Variants in SPIRE1 observed in about 807,000 individuals in gnomAD.
The protein encoded by SPIRE1 is spire type actin nucleation factor 1.
A neutral mutation model predicts 94.1 loss-of-function variants in SPIRE1; 40 were observed. That is an observed-to-expected ratio of 0.43 (90% CI 0.33 to 0.55). The LOEUF is 0.55. SPIRE1 is among the 20% of genes least tolerant of loss of function. The pLI, the probability that SPIRE1 is intolerant of heterozygous loss-of-function variation, is 0.06. For synonymous variants in SPIRE1, 376 were observed against 371.7 expected (o/e 1.01, Z -0.13); for missense variants, 838 against 975.2 (o/e 0.86, Z 1.87).
chr18:12,481,190 C>T (rs478139), intron 9 of SPIRE1, among the ~76,000 whole-genome samples: 16,806 of 151,870 alleles, frequency 0.11, 1,889 homozygotes, highest in African/African-American at 0.29. Context: ...ATTAGCCAGG[C>T]GTGGTGGTGG....
At chr18:12,495,461 T>G (rs1420666872) in intron 7 of SPIRE1, among the ~76,000 whole-genome samples, 1 of 152,244 alleles carries the variant, frequency 6.6e-6, no homozygotes, top group Non-Finnish European at 1.5e-5. Context: ...AACAGGACTA[T>G]CCAGTAATAT....
intron 1 of SPIRE1, among the ~76,000 whole-genome samples, chr18:12,650,568 G>T (rs1336444698): frequency 1.3e-5 from 2 of 152,002 alleles, no homozygotes; most frequent in East Asian, 3.9e-4. Flanking sequence ...AAATTAGCTG[G>T]GCGTGATGGC....
chr18:12,452,680 C>T (rs1326982080), intron 14 of SPIRE1, 168 bp from the exon 15 acceptor site: 1 of 709,388 alleles, frequency 1.4e-6, no homozygotes, highest in African/African-American at 1.8e-5. Context: ...AAAAGATAAT[C>T]TACAGAACTT....
chr18:12,483,889 AAGC>A (rs991853334), intron 9 of SPIRE1, among the ~76,000 whole-genome samples: 1 of 152,240 alleles, frequency 6.6e-6, no homozygotes, highest in Non-Finnish European at 1.5e-5. Context: ...AAAAACATAA[AAGC>A]AGCACAAGAA....
At chr18:12,634,109 G>A (rs901844289) in intron 2 of SPIRE1, among the ~76,000 whole-genome samples, 11 of 151,892 alleles carry the variant, frequency 7.2e-5, no homozygotes, top group Admixed American at 3.9e-4. Context: ...TTAGCTGGGC[G>A]CGGTGGCGGG....
chr18:12,504,583 C>T (rs184719050), intron 6 of SPIRE1, among the ~76,000 whole-genome samples: 1 of 152,136 alleles, frequency 6.6e-6, no homozygotes, highest in African/African-American at 2.4e-5. Context: ...TAAATTTCCT[C>T]AAAAATGTGG....
At chr18:12,537,456 C>T (rs1444507284) in intron 3 of SPIRE1, among the ~76,000 whole-genome samples, 1 of 152,108 alleles carries the variant, frequency 6.6e-6, no homozygotes, top group Non-Finnish European at 1.5e-5. Flanking sequence ...TGCATATGTG[C>T]CTATTATACA....
intron 8 of SPIRE1, among the ~76,000 whole-genome samples, chr18:12,490,131 C>T (rs2033181471): frequency 6.6e-6 from 1 of 152,180 alleles, no homozygotes; most frequent in Non-Finnish European, 1.5e-5. Context: ...AGAAGTAACA[C>T]TCTCACAGAA....
chr18:12,545,582 G>A (rs722708), intron 3 of SPIRE1, among the ~76,000 whole-genome samples: 81,584 of 152,092 alleles, frequency 0.54, 23,116 homozygotes, highest in Middle Eastern at 0.73. Flanking sequence ...TAATTTGACA[G>A]ATCTGTTTGA....
intron 4 of SPIRE1, among the ~76,000 whole-genome samples, chr18:12,532,372 ATAAT>A (rs1235785143): frequency 2.0e-5 from 3 of 152,362 alleles, no homozygotes; most frequent in African/African-American, 7.2e-5. Context: ...GAAATTTAGT[ATAAT>A]TAAAGTACTT....
chr18:12,556,416 A>C (rs1409770655), intron 2 of SPIRE1, among the ~76,000 whole-genome samples: 1 of 152,248 alleles, frequency 6.6e-6, no homozygotes, highest in African/African-American at 2.4e-5. Flanking sequence ...TACTACAAAT[A>C]TACAAATAAC....
intron 3 of SPIRE1, among the ~76,000 whole-genome samples, chr18:12,538,014 T>A (rs190088527): frequency 2.6e-5 from 4 of 152,110 alleles, no homozygotes; most frequent in Admixed American, 2.6e-4. Flanking sequence ...AAAATTCATA[T>A]GGAATTGCAA....
chr18:12,658,276 A>G, upstream of SPIRE1: 1 of 454,292 alleles, frequency 2.2e-6, no homozygotes, highest in Non-Finnish European at 4.3e-6. Context: ...CAGGGCTCTC[A>G]GAGTCGCAGG....
chr18:12,519,355 C>G (rs181969717), intron 4 of SPIRE1, among the ~76,000 whole-genome samples: 1 of 151,984 alleles, frequency 6.6e-6, no homozygotes, highest in Non-Finnish European at 1.5e-5. Context: ...CACACACGCA[C>G]GCACACACAC....
At chr18:12,492,418 A>G (rs1486118436) in intron 8 of SPIRE1, among the ~76,000 whole-genome samples, 1 of 152,194 alleles carries the variant, frequency 6.6e-6, no homozygotes, top group East Asian at 1.9e-4. Flanking sequence ...GCCTTCCTAT[A>G]AATCAAAATC....
chr18:12,625,351 A>C (rs1348004601), intron 2 of SPIRE1, among the ~76,000 whole-genome samples: 1 of 152,204 alleles, frequency 6.6e-6, no homozygotes, highest in Non-Finnish European at 1.5e-5. Context: ...AGCATTCCTA[A>C]ACATTCCTCT....
At chr18:12,605,365 G>A (rs1406897870) in intron 2 of SPIRE1, among the ~76,000 whole-genome samples, 1 of 152,156 alleles carries the variant, frequency 6.6e-6, no homozygotes, top group Non-Finnish European at 1.5e-5. Context: ...AATTAGCCAG[G>A]TGTGGTGGCA....
At chr18:12,463,678 G>T (rs1016876068) in intron 11 of SPIRE1, among the ~76,000 whole-genome samples, 185 bp from the exon 12 acceptor site, 2 of 152,176 alleles carry the variant, frequency 1.3e-5, no homozygotes, top group Non-Finnish European at 2.9e-5. Flanking sequence ...TCTTTGCAAA[G>T]TAAACTTGCT....
Position 12,549,290 on chromosome 18 carries a change from A to G in SPIRE1, c.373-2386T>C, listed in dbSNP as rs906712076. On this transcript the variant is annotated intron_variant, in intron 2 of 16. Coordinates refer to ENST00000409402, the MANE Select transcript of SPIRE1 (RefSeq NM_001128626.2). The stretch of plus-strand genomic sequence containing the variant: ...AAAAGTTAGATTACATTCAGTATAT[A>G]TATTTTTAAGGCTGAGAAGGTCTTG... 5.3e-5 allele frequency among the ~76,000 whole-genome samples: 8 copies of G among 152,266 alleles called. 1 individual carries two copies. The Middle Eastern group carries it at 0.014, about 259-fold the overall frequency.
Sources: gnomAD v4.1 joint callset for allele counts (sites outside exome capture counted in the v4.1 genomes callset) on GRCh38, gnomAD v4.1.1 for gene constraint, MANE v1.5 for transcripts, NCBI Gene and HGNC (gene_info 2026-07-23, HGNC 2026-07-21) for gene names.